Variants in TYW1 observed in about 807,000 individuals in gnomAD.
The protein encoded by TYW1 is S-adenosyl-L-methionine-dependent tRNA 4-demethylwyosine synthase TYW1.
A neutral mutation model predicts 96.2 loss-of-function variants in TYW1; 46 were observed. The ratio of observed to expected loss-of-function variants is 0.48; its 90% confidence interval spans 0.38 to 0.61. The LOEUF is 0.61. TYW1 is among the 20% of genes least tolerant of loss of function. The pLI is 0.00. For synonymous variants in TYW1, 274 were observed against 323.0 expected (o/e 0.85, Z 1.63); for missense variants, 684 against 909.6 (o/e 0.75, Z 3.19).
At chr7:67,178,178 A>G (rs1199899430) in intron 13 of TYW1, among the ~76,000 whole-genome samples, 1 of 137,324 alleles carries the variant, frequency 7.3e-6, no homozygotes, top group Non-Finnish European at 1.6e-5. Context: ...CAGAAAAAAA[A>G]ACAGGAGGTG....
rs552741631 is a variant in TYW1, at chr7:67,064,972, A to T, written c.1156-2313A>T. 3.3e-5 allele frequency among the ~76,000 whole-genome samples: 5 copies of T among 152,326 alleles called. No homozygotes were observed. In the East Asian group the frequency reaches 7.7e-4, roughly 23 times the overall value. On this transcript the variant is annotated intron_variant, in intron 9 of 15. Coordinates refer to ENST00000359626, the MANE Select transcript of TYW1 (RefSeq NM_018264.4). The stretch of plus-strand genomic sequence containing the variant: ...GGATCACAGACTTAAACATTTGGAG[A>T]CATCATTTTTTAAAACGAAAAACAT...
chr7:67,075,627 G>T (rs891355022), intron 10 of TYW1, among the ~76,000 whole-genome samples: 1 of 152,174 alleles, frequency 6.6e-6, no homozygotes, highest in South Asian at 2.1e-4. Context: ...ATCACAACAG[G>T]CTGCATCTAT....
intron 13 of TYW1, among the ~76,000 whole-genome samples, chr7:67,130,498 C>A (rs1317107707): frequency 6.6e-6 from 1 of 150,620 alleles, no homozygotes; most frequent in South Asian, 2.1e-4. Flanking sequence ...ATGGTGAAAC[C>A]CCGTCTCTAC....
intron 13 of TYW1, among the ~76,000 whole-genome samples, chr7:67,153,683 G>T (rs1172824257): frequency 6.6e-6 from 1 of 152,138 alleles, no homozygotes; most frequent in East Asian, 1.9e-4. Flanking sequence ...TCACTCCCTA[G>T]AAGGAGTATC....
chr7:67,141,625 C>T (rs1798451105), intron 13 of TYW1, among the ~76,000 whole-genome samples: 1 of 152,196 alleles, frequency 6.6e-6, no homozygotes, highest in Non-Finnish European at 1.5e-5. Flanking sequence ...GTGTTTGACT[C>T]CCAGGGCACC....
intron 13 of TYW1, among the ~76,000 whole-genome samples, chr7:67,148,301 G>A (rs2116149047): frequency 6.6e-6 from 1 of 151,500 alleles, no homozygotes; most frequent in Non-Finnish European, 1.5e-5. Flanking sequence ...GAGTTATTGT[G>A]ATATGTGTGT....
intron 13 of TYW1, among the ~76,000 whole-genome samples, chr7:67,142,989 G>A (rs1798499207): frequency 6.6e-6 from 1 of 151,244 alleles, no homozygotes; most frequent in Non-Finnish European, 1.5e-5. Flanking sequence ...GGGGGCGGAA[G>A]TTGAAATGAG....
chr7:67,142,288 GA>G (rs1798474307), intron 13 of TYW1, among the ~76,000 whole-genome samples: 1 of 152,064 alleles, frequency 6.6e-6, no homozygotes, highest in Non-Finnish European at 1.5e-5. Flanking sequence ...TTATTTTGTA[GA>G]AATGGGGTCT....
At chr7:67,018,723 A>G (rs1045934197) in intron 6 of TYW1, among the ~76,000 whole-genome samples, 2 of 151,882 alleles carry the variant, frequency 1.3e-5, no homozygotes, top group African/African-American at 2.4e-5. Flanking sequence ...TGGGAGGCCA[A>G]GGTGGGTGGA....
chr7:67,021,403 C>G (rs1469324630), intron 6 of TYW1, among the ~76,000 whole-genome samples: 1 of 152,274 alleles, frequency 6.6e-6, no homozygotes, highest in African/African-American at 2.4e-5. Context: ...CTGCATGCCT[C>G]CTGGTGCTTG....
At chr7:66,997,523 G>A (rs1475165588) in intron 1 of TYW1, among the ~76,000 whole-genome samples, 25 of 152,114 alleles carry the variant, frequency 1.6e-4, no homozygotes, top group Non-Finnish European at 2.9e-5. Context: ...TGCTCATTTC[G>A]AAGTGAAGAT....
chr7:67,147,203 C>A (rs1192120538), intron 13 of TYW1, among the ~76,000 whole-genome samples: 1 of 152,026 alleles, frequency 6.6e-6, no homozygotes, highest in Non-Finnish European at 1.5e-5. Flanking sequence ...TAAAAAAATA[C>A]AGTGTAAAGA....
At position 67,136,650 on chromosome 7, in the gene TYW1, CGTGTGTGTGT is replaced by C. The variant is rs59522817; in HGVS notation, c.1698+19059_1698+19068del. Among the ~76,000 whole-genome samples the C allele has an allele frequency of 4.8e-3, 686 of 143,954 alleles. 1 individual carries two copies. The highest frequency in any genetic ancestry group is 0.015 in the African/African-American group (583 of 39,544). 94.4% of individuals were successfully genotyped at this position (143,954 alleles called of 152,430 possible). A position where few individuals can be genotyped will look rare whatever the true frequency, so the allele number is the denominator to read the frequency against. ...AGTATGTGTGTGTGTTTATACAGTGCGTGTGTGTGTGTGTGTGTGTGTGTGTGTGTGTGTG... is the reference window on the plus strand; with the variant it reads ...AGTATGTGTGTGTGTTTATACAGTGCGTGTGTGTGTGTGTGTGTGTGTGTG... On this transcript the variant is annotated intron_variant, in intron 13 of 15. Coordinates refer to ENST00000359626, the MANE Select transcript of TYW1 (RefSeq NM_018264.4).
At chr7:67,164,477 G>C (rs1268755362) in intron 13 of TYW1, among the ~76,000 whole-genome samples, 1 of 152,020 alleles carries the variant, frequency 6.6e-6, no homozygotes, top group Admixed American at 6.6e-5. Flanking sequence ...TGGATGTGAT[G>C]GCATGTGCCT....
At chr7:67,226,100 A>ATG (rs1329285008) in intron 15 of TYW1, among the ~76,000 whole-genome samples, 1 of 152,174 alleles carries the variant, frequency 6.6e-6, no homozygotes, top group Non-Finnish European at 1.5e-5. Flanking sequence ...GACTGAGACA[A>ATG]TGAAAGAGAT....
In TYW1 at chr7:67,035,973, G is replaced by A. The variant is rs150302598; in HGVS notation, c.984+10951G>A. Among the ~76,000 whole-genome samples, 32 of 150,676 alleles carry A rather than the reference G, an allele frequency of 2.1e-4. No individual in the cohort carries two copies. The East Asian group carries it at 5.6e-3, about 26-fold the overall frequency. On this transcript the variant is annotated intron_variant, in intron 7 of 15. Transcript: ENST00000359626. Reference sequence around the variant, plus strand: ...ATTACAGGCGTGAGCCACTGTGCCCGGCCGGTTCTATTGTTCTTAAGTCCA... The same window carrying A: ...ATTACAGGCGTGAGCCACTGTGCCCAGCCGGTTCTATTGTTCTTAAGTCCA...
At chr7:66,997,318 C>T (rs906504740) in intron 1 of TYW1, among the ~76,000 whole-genome samples, 1 of 89,138 alleles carries the variant, frequency 1.1e-5, no homozygotes, top group Non-Finnish European at 2.3e-5. Context: ...GCATATCTCT[C>T]TTAAAAAAAA....
At chr7:67,083,695 T>G (rs1047375989) in intron 11 of TYW1, among the ~76,000 whole-genome samples, 156 bp downstream of exon 11, 1 of 152,246 alleles carries the variant, frequency 6.6e-6, no homozygotes, top group African/African-American at 2.4e-5. Context: ...ATATTTTGCC[T>G]TTTTAGCTTT....
chr7:67,203,033 T>C lies in TYW1; in HGVS notation c.1977+7696T>C, dbSNP rs535113833. Among the ~76,000 whole-genome samples, 13 of 152,342 alleles carry C rather than the reference T, an allele frequency of 8.5e-5. No individual in the cohort carries two copies. The South Asian group carries it at 2.7e-3, about 32-fold the overall frequency. On this transcript the variant is annotated intron_variant, in intron 15 of 15. Coordinates refer to ENST00000359626, the MANE Select transcript of TYW1 (RefSeq NM_018264.4). ...ATTCACATGTGTGTGTTTAGTTCTGTGCTGTTTTGTGTTTAGATTTATGTA... is the reference window on the plus strand; with the variant it reads ...ATTCACATGTGTGTGTTTAGTTCTGCGCTGTTTTGTGTTTAGATTTATGTA...
Sources: gnomAD v4.1 joint callset for allele counts (sites outside exome capture counted in the v4.1 genomes callset) on GRCh38, gnomAD v4.1.1 for gene constraint, MANE v1.5 for transcripts, NCBI Gene and HGNC (gene_info 2026-07-23, HGNC 2026-07-21) for gene names.